Variants in PTPRM observed in about 807,000 individuals in gnomAD.
PTPRM encodes the protein receptor-type tyrosine-protein phosphatase mu.
Under a neutral mutation model 186.7 loss-of-function variants are expected in PTPRM, and 47 were observed. That is an observed-to-expected ratio of 0.25 (90% CI 0.20 to 0.32). The LOEUF (loss-of-function observed/expected upper bound fraction) is 0.32. Among genes scored for constraint, PTPRM ranks in the 10% least tolerant of loss-of-function variants. The pLI, the probability that PTPRM is intolerant of heterozygous loss-of-function variation, is 1.00. For missense variants in PTPRM, 1,494 were observed against 1,865.0 expected (o/e 0.80, Z 3.66); for synonymous variants, 668 against 674.9 (o/e 0.99, Z 0.16).
intron 26 of PTPRM, 80 bp downstream of exon 26, chr18:8,376,677 C>T: frequency 6.8e-7 from 1 of 1,461,862 alleles, no homozygotes; most frequent in Non-Finnish European, 9.2e-7. Flanking sequence ...GCCAAGGGCA[C>T]AAGGAATCCA....
chr18:8,298,675 T>G (rs981066278), intron 20 of PTPRM, among the ~76,000 whole-genome samples: 1 of 152,328 alleles, frequency 6.6e-6, no homozygotes. Context: ...TAGGTAGTAT[T>G]TTTGTATCTA....
intron 14 of PTPRM, among the ~76,000 whole-genome samples, chr18:8,157,750 G>T (rs2093152002): frequency 6.6e-6 from 1 of 152,184 alleles, no homozygotes; most frequent in Non-Finnish European, 1.5e-5. Flanking sequence ...TACCATGCTT[G>T]GGGAACGTCC....
chr18:8,286,028 T>C (rs1485452259), intron 19 of PTPRM, among the ~76,000 whole-genome samples: 1 of 152,182 alleles, frequency 6.6e-6, no homozygotes, highest in Non-Finnish European at 1.5e-5. Flanking sequence ...GTACTGTAAA[T>C]GTATTTGCAT....
chr18:8,376,722 C>A, intron 26 of PTPRM, 125 bp downstream of exon 26: 1 of 1,198,348 alleles, frequency 8.3e-7, no homozygotes, highest in Non-Finnish European at 1.1e-6. Context: ...ACCTGGCATT[C>A]CCTGTTCCTT....
At chr18:8,398,627 G>A (rs1347926550) in intron 32 of PTPRM, among the ~76,000 whole-genome samples, 8 of 151,942 alleles carry the variant, frequency 5.3e-5, no homozygotes, top group Admixed American at 3.3e-4. Flanking sequence ...AAAATTAGCC[G>A]GGCGTGGTGG....
intron 23 of PTPRM, chr18:8,364,965 C>G (rs1223528259): frequency 6.6e-6 from 1 of 152,244 alleles, no homozygotes; most frequent in East Asian, 1.9e-4. Context: ...ACACAGGAGG[C>G]AGAGTAGAAA....
intron 1 of PTPRM, among the ~76,000 whole-genome samples, chr18:7,728,678 T>C (rs12605941): frequency 0.37 from 57,071 of 152,194 alleles, 12,487 homozygotes; most frequent in East Asian, 0.83. Flanking sequence ...TCTTCAGCCT[T>C]CAGGCTGTTT....
At chr18:7,667,837 C>T (rs1357067678) in intron 1 of PTPRM, among the ~76,000 whole-genome samples, 1 of 152,062 alleles carries the variant, frequency 6.6e-6, no homozygotes, top group African/African-American at 2.4e-5. Flanking sequence ...ATATAAACTG[C>T]ATGCTACTTA....
At chr18:8,222,681 C>T (rs1490278205) in intron 14 of PTPRM, among the ~76,000 whole-genome samples, 2 of 152,220 alleles carry the variant, frequency 1.3e-5, no homozygotes, top group Non-Finnish European at 2.9e-5. Flanking sequence ...TCCTGCTCAG[C>T]AGGACTTTCC....
At chr18:7,931,861 A>C (rs985246118) in intron 5 of PTPRM, among the ~76,000 whole-genome samples, 19 of 152,204 alleles carry the variant, frequency 1.2e-4, no homozygotes, top group African/African-American at 4.6e-4. Flanking sequence ...AGGACTTTCT[A>C]TTTATAATAC....
intron 14 of PTPRM, among the ~76,000 whole-genome samples, chr18:8,176,005 C>A (rs1164991897): frequency 2.6e-5 from 4 of 152,142 alleles, no homozygotes. Context: ...CAGAAAGCAG[C>A]ATTTTAAGAG....
At chr18:7,984,584 TATATATATATATATATATACAC>T (rs922559344) in intron 7 of PTPRM, among the ~76,000 whole-genome samples, 5 of 120,424 alleles carry the variant, frequency 4.2e-5, no homozygotes, top group African/African-American at 1.7e-4. Flanking sequence ...TATATATATA[TATATATATATATATATATACAC>T]ACACACACAC....
At chr18:7,835,895 TTG>T (rs34210925) in intron 2 of PTPRM, among the ~76,000 whole-genome samples, 90,934 of 151,528 alleles carry the variant, frequency 0.6, 27,693 homozygotes, top group East Asian at 0.87. Context: ...TTGAAAGCTA[TTG>T]TGTCTCCATA....
At chr18:8,209,232 C>T (rs895852779) in intron 14 of PTPRM, among the ~76,000 whole-genome samples, 11 of 152,070 alleles carry the variant, frequency 7.2e-5, no homozygotes, top group African/African-American at 2.7e-4. Context: ...CAAGAGATGG[C>T]AAGGGAGGAG....
chr18:7,658,239 A>G (rs769662595), intron 1 of PTPRM, among the ~76,000 whole-genome samples: 9 of 151,472 alleles, frequency 5.9e-5, no homozygotes, highest in Non-Finnish European at 1.3e-4. Flanking sequence ...TGTAGAAGCT[A>G]TACAGCATTT....
chr18:8,048,898 T>G (rs1282142149), intron 7 of PTPRM, among the ~76,000 whole-genome samples: 2 of 152,236 alleles, frequency 1.3e-5, no homozygotes, highest in South Asian at 2.1e-4. Flanking sequence ...AAAGAGTGAA[T>G]GGTTTGGGTT....
chr18:7,974,351 A>G (rs2054788329), intron 7 of PTPRM, among the ~76,000 whole-genome samples: 2 of 152,222 alleles, frequency 1.3e-5, no homozygotes, highest in Admixed American at 1.3e-4. Flanking sequence ...AAAGTTCTCC[A>G]TTGGTGTGCA....
chr18:8,178,275 A>G (rs2093516647), intron 14 of PTPRM, among the ~76,000 whole-genome samples: 1 of 152,128 alleles, frequency 6.6e-6, no homozygotes, highest in South Asian at 2.1e-4. Flanking sequence ...GCAGACAAAA[A>G]CTCAAAAAGA....
chr18:7,683,205 G>A (rs563967497), intron 1 of PTPRM, among the ~76,000 whole-genome samples: 21 of 138,770 alleles, frequency 1.5e-4, no homozygotes, highest in South Asian at 4.5e-4. Context: ...TTGCTCTGTC[G>A]CCTAGACTAG....
Sources: allele counts gnomAD v4.1 joint callset (sites outside exome capture counted in the v4.1 genomes callset), GRCh38; gene constraint gnomAD v4.1.1; transcripts MANE v1.5; gene names NCBI Gene and HGNC (gene_info 2026-07-23, HGNC 2026-07-21).